The following NSD3 variants were observed in gnomAD, a reference collection of about 807,000 sequenced individuals.
NSD3 encodes histone-lysine N-methyltransferase NSD3.
Under a neutral mutation model 160.8 loss-of-function variants are expected in NSD3, and 24 were observed. The ratio of observed to expected loss-of-function variants is 0.15; its 90% CI spans 0.11 to 0.21. The LOEUF is 0.21. Ranked by LOEUF, NSD3 falls within the 10% of genes least tolerant of loss-of-function variation. NSD3 has a pLI of 1.00. For missense variants in NSD3, 1,157 were observed against 1,735.9 expected, an observed-to-expected ratio of 0.67 and a Z score of 5.93; for synonymous variants, 520 against 600.0, an observed-to-expected ratio of 0.87 and a Z score of 1.95.
intron 2 of NSD3, among the ~76,000 whole-genome samples, chr8:38,339,615 A>C (rs1810309674): frequency 6.6e-6 from 1 of 151,622 alleles, no homozygotes; most frequent in Non-Finnish European, 1.5e-5. Context: ...AGTCCAAGCT[A>C]CTCAGGAGGC....
chr8:38,299,506 G>C lies in NSD3; in HGVS notation c.2696C>G (p.Ala899Gly), dbSNP rs892760624. Reference protein sequence around the residue: ...SHYLLNESNRAELMKLPMIPS... With the variant: ...SHYLLNESNRGELMKLPMIPS... ...AATCATAGGTAATTTCATCAACTCA[G>C]CACGATTTGATTCATTCAGTAGGTA... Residue 899 changes from alanine to glycine, a missense_variant, in exon 15 of 24, where the codon GCT (alanine) becomes GGT (glycine). Around this residue, in one of 10 missense-constraint regions of NSD3, gnomAD observed 437 missense variants for 576.6 expected, o/e 0.76. Transcript: ENST00000317025. 3 of 1,613,728 alleles carry C rather than the reference G, an allele frequency of 1.9e-6. No individual in the cohort carries two copies. Among genetic ancestry groups the C allele is most frequent in the Non-Finnish European group, 2.5e-6 (3 of 1,179,818 alleles).
chr8:38,282,807 A>T (rs983365697), intron 19 of NSD3, among the ~76,000 whole-genome samples: 4 of 152,254 alleles, frequency 2.6e-5, no homozygotes, highest in African/African-American at 9.6e-5. Flanking sequence ...GAGTATATCA[A>T]CAGGTTGTTC....
intron 1 of NSD3, among the ~76,000 whole-genome samples, chr8:38,362,396 T>C (rs1810996304): frequency 6.6e-6 from 1 of 152,024 alleles, no homozygotes; most frequent in African/African-American, 2.4e-5. Context: ...CAGATTTGCT[T>C]CTTCCTTCCT....
At chr8:38,343,557 G>T (rs1027496862) in intron 2 of NSD3, among the ~76,000 whole-genome samples, 2 of 151,976 alleles carry the variant, frequency 1.3e-5, no homozygotes, top group African/African-American at 4.8e-5. Context: ...ACAAAAACTA[G>T]CCAGGCGTGG....
At chr8:38,359,965 T>A (rs997665719) in intron 1 of NSD3, among the ~76,000 whole-genome samples, 1 of 152,090 alleles carries the variant, frequency 6.6e-6, no homozygotes, top group African/African-American at 2.4e-5. Context: ...TGCAAATTAT[T>A]TCTCACTAAA....
intron 16 of NSD3, among the ~76,000 whole-genome samples, chr8:38,293,130 T>C (rs886164358): frequency 7.7e-5 from 11 of 141,992 alleles, no homozygotes; most frequent in Non-Finnish European, 1.5e-4. Flanking sequence ...AGCAAGACTT[T>C]GTCTCAAAAA....
At chr8:38,367,719 T>A (rs928366104) in intron 1 of NSD3, among the ~76,000 whole-genome samples, 1 of 151,866 alleles carries the variant, frequency 6.6e-6, no homozygotes, top group Non-Finnish European at 1.5e-5. Flanking sequence ...CTCAAAAAAA[T>A]AAATAAATAA....
intron 12 of NSD3, 52 bp from the exon 13 acceptor site, chr8:38,305,497 C>A: frequency 6.3e-7 from 1 of 1,575,630 alleles, no homozygotes; most frequent in Non-Finnish European, 8.7e-7. Context: ...AAAGCATATT[C>A]AAGTAGAAGC....
intron 1 of NSD3, among the ~76,000 whole-genome samples, chr8:38,375,184 T>A (rs1811358586): frequency 6.6e-6 from 1 of 152,166 alleles, no homozygotes; most frequent in South Asian, 2.1e-4. Flanking sequence ...ACTGAAACAG[T>A]ATGAATATTA....
chr8:38,356,799 T>A (rs1464867681), intron 1 of NSD3, among the ~76,000 whole-genome samples: 1 of 152,178 alleles, frequency 6.6e-6, no homozygotes, highest in African/African-American at 2.4e-5. Context: ...TTCTCAATAA[T>A]AGAAACTTTA....
In NSD3 at chr8:38,347,557, T is replaced by G. The variant is rs769551175; in HGVS notation, c.615A>C (p.Ser205=). The change falls in exon 2 of 24, where the codon TCA becomes TCC. Residue 205 remains serine, a synonymous_variant. Transcript: ENST00000317025. ...EKRKKSNKHD[S]SRSEERKSHK... ...GTGACTTGCGCTCTTCAGATCTTGA[T>G]GAGTCATGCTTGTTGCTTTTTTTCC... The G allele has an allele frequency of 6.2e-7, 1 of 1,613,048 alleles. No homozygotes were observed. Among genetic ancestry groups the G allele is most frequent in the East Asian group, 2.2e-5 (1 of 44,882 alleles).
Position 38,329,363 on chromosome 8 carries a change from G to A in NSD3, c.1581+15C>T, listed in dbSNP as rs1039031162. The A allele has an allele frequency of 1.8e-5, 28 of 1,596,440 alleles. No individual in the cohort carries two copies. The highest frequency in any genetic ancestry group is 1.7e-4 in the Middle Eastern group (1 of 5,976). ...AATACCATCCCCCAAAAAACTCCAC[G>A]AAAAAAGGAGGTACCTTTGTTGAAT... On this transcript the variant is annotated intron_variant, in intron 6 of 23. Transcript: ENST00000317025. This position sits in a 1 kb window ranked among gnomAD's most constrained non-coding sequence, Gnocchi z 4.8.
At chr8:38,305,700 C>T (rs1809376700) in intron 12 of NSD3, among the ~76,000 whole-genome samples, 1 of 152,072 alleles carries the variant, frequency 6.6e-6, no homozygotes, top group Admixed American at 6.5e-5. Context: ...CATAGAAAAG[C>T]CAGAACAGAA....
chr8:38,354,601 T>TA (rs891882873), intron 1 of NSD3, among the ~76,000 whole-genome samples: 1 of 152,272 alleles, frequency 6.6e-6, no homozygotes, highest in African/African-American at 2.4e-5. Context: ...TTGAGGATTT[T>TA]AAAAAAGGTA....
At chr8:38,337,635 T>G (rs1374469629) in intron 3 of NSD3, 168 bp from the exon 4 acceptor site, 2 of 435,724 alleles carry the variant, frequency 4.6e-6, no homozygotes, top group Non-Finnish European at 7.6e-6. Context: ...TAAAGTACAT[T>G]AAAAATGCTA....
intron 19 of NSD3, among the ~76,000 whole-genome samples, chr8:38,282,757 A>G (rs1247853228): frequency 6.7e-6 from 1 of 149,384 alleles, no homozygotes; most frequent in Non-Finnish European, 1.5e-5. Context: ...CTTTAAAGAA[A>G]AAAATCAGGC....
At chr8:38,331,243 A>C (rs1341981805) in intron 5 of NSD3, among the ~76,000 whole-genome samples, 188 bp downstream of exon 5, 1 of 152,228 alleles carries the variant, frequency 6.6e-6, no homozygotes, top group African/African-American at 2.4e-5. Flanking sequence ...TACGTCGTTT[A>C]TATGACATAT....
At chr8:38,286,367 C>T (rs1563342613) in intron 19 of NSD3, among the ~76,000 whole-genome samples, 1 of 152,050 alleles carries the variant, frequency 6.6e-6, no homozygotes, top group Non-Finnish European at 1.5e-5. Context: ...AGCTAGAGAA[C>T]GGAGTTCTGC....
At position 38,275,194 on chromosome 8, in the gene NSD3, C is replaced by G. The variant is rs1808569888; in HGVS notation, c.*447G>C. The G allele has an allele frequency of 4.1e-6, 1 of 244,190 alleles. No homozygotes were observed. The highest frequency in any genetic ancestry group is 8.0e-6 in the Non-Finnish European group (1 of 125,372). The allele number at this position is 244,190 out of a possible 1,614,324, so 15.1% of individuals were successfully genotyped here. A position where few individuals can be genotyped will look rare whatever the true frequency, so the allele number is the denominator to read the frequency against. The stretch of plus-strand genomic sequence containing the variant: ...CTCAGATTCCTACTTAAAACACACA[C>G]ACACTTGATTAGACTATTGAACTAC... On this transcript the variant is annotated 3_prime_UTR_variant, in exon 24 of 24. Coordinates refer to ENST00000317025, the MANE Select transcript of NSD3 (RefSeq NM_023034.2).
Sources: gnomAD v4.1 joint callset for allele counts (sites outside exome capture counted in the v4.1 genomes callset) on GRCh38, gnomAD v4.1.1 for gene constraint, gnomAD v4.1.1 regional missense constraint, Gnocchi (gnomAD v3.1) non-coding constraint, MANE v1.5 for transcripts, NCBI Gene and HGNC (gene_info 2026-07-23, HGNC 2026-07-21) for gene names.